Variants in STXBP3 observed in about 807,000 individuals in gnomAD.
STXBP3 encodes syntaxin binding protein 3.
In STXBP3, 41 loss-of-function variants were observed where a neutral mutation model predicts 85.7. The observed-to-expected ratio is 0.48, with a 90% confidence interval of 0.37 to 0.62. STXBP3 has a LOEUF of 0.62. Among genes scored for constraint, STXBP3 ranks in the 20% least tolerant of loss-of-function variants. The probability of loss-of-function intolerance (pLI) is 0.00; values close to 1 mark genes in which losing one functional copy is unlikely to be tolerated. For synonymous variants in STXBP3, 229 were observed against 231.7 expected, an observed-to-expected ratio of 0.99 and a Z score of 0.10; for missense variants, 563 against 703.1, an observed-to-expected ratio of 0.80 and a Z score of 2.25.
intron 6 of STXBP3, among the ~76,000 whole-genome samples, chr1:108,772,270 A>G (rs1440119441): frequency 1.3e-5 from 1 of 78,008 alleles, no homozygotes; most frequent in Admixed American, 1.2e-4. Flanking sequence ...TATGATATCT[A>G]TCTGTATCAT....
Position 108,808,963 on chromosome 1 carries a change from AT to A in STXBP3, c.*87del. 1.1e-6 allele frequency: 1 copy of A among 896,318 alleles called. No individual in the cohort carries two copies. The highest frequency in any genetic ancestry group is 1.7e-6 in the Non-Finnish European group (1 of 580,608). The allele number at this position is 896,318 out of a possible 1,614,324, so 55.5% of individuals were successfully genotyped here. A position where few individuals can be genotyped will look rare whatever the true frequency, so the allele number is the denominator to read the frequency against. On this transcript the variant is annotated 3_prime_UTR_variant, in exon 19 of 19. Transcript: ENST00000370008. Reference sequence around the variant, plus strand: ...ATGTTGCTGTCATGTAATTTAAACAATGTAAATATTTTATGGAATAATGGCT... The same window carrying A: ...ATGTTGCTGTCATGTAATTTAAACAAGTAAATATTTTATGGAATAATGGCT...
chr1:108,797,829 G>A (rs1663141801), intron 15 of STXBP3, among the ~76,000 whole-genome samples: 1 of 151,686 alleles, frequency 6.6e-6, no homozygotes, highest in Admixed American at 6.6e-5. Context: ...TCTGCCTCCT[G>A]GGTTTATGCC....
Position 108,746,803 on chromosome 1 carries a change from A to AG in STXBP3, c.49+21dup. The AG allele has an allele frequency of 6.5e-7, 1 of 1,542,760 alleles. No individual in the cohort carries two copies. The highest frequency in any genetic ancestry group is 8.7e-7 in the Non-Finnish European group (1 of 1,143,890). On this transcript the variant is annotated intron_variant, in intron 1 of 18. Coordinates refer to ENST00000370008, the MANE Select transcript of STXBP3 (RefSeq NM_007269.4). ...TGTGGCAGAGTGAGTGCGGTGGGGT[A>AG]GGGGTTGAGAGAGGGAAGGCCGGGA...
chr1:108,807,303 T>A, intron 17 of STXBP3, 98 bp from the exon 18 acceptor site: 1 of 1,257,426 alleles, frequency 8.0e-7, no homozygotes, highest in Non-Finnish European at 1.1e-6. Context: ...GGTAGCAAGT[T>A]TGAGTTTGGT....
At chr1:108,791,774 C>T (rs376382459) in intron 11 of STXBP3, among the ~76,000 whole-genome samples, 1 of 152,124 alleles carries the variant, frequency 6.6e-6, no homozygotes, top group South Asian at 2.1e-4. Flanking sequence ...TCATCACCCC[C>T]CAAAATGTCC....
chr1:108,788,088 A>G (rs934007057), intron 11 of STXBP3, among the ~76,000 whole-genome samples: 1 of 152,080 alleles, frequency 6.6e-6, no homozygotes, highest in Non-Finnish European at 1.5e-5. Context: ...CACCACACCC[A>G]GCCTGTTTCT....
intron 13 of STXBP3, 52 bp from the exon 14 acceptor site, chr1:108,796,182 T>G (rs1663091396): frequency 6.3e-7 from 1 of 1,582,820 alleles, no homozygotes; most frequent in African/African-American, 1.4e-5. Context: ...TGTTTTTAAC[T>G]AAAAAATGAA....
At chr1:108,793,157 A>ATTTTTTTTTTT (rs745652259) in intron 11 of STXBP3, among the ~76,000 whole-genome samples, 5 of 67,506 alleles carry the variant, frequency 7.4e-5, no homozygotes, top group Admixed American at 2.1e-4. Context: ...TCTTATCTCC[A>ATTTTTTTTTTT]TTTTTTTTTT....
At chr1:108,796,792 G>GTTTT in intron 15 of STXBP3, 66 bp downstream of exon 15, 1 of 898,568 alleles carries the variant, frequency 1.1e-6, no homozygotes, top group Admixed American at 3.6e-5. Context: ...TGTATTAACT[G>GTTTT]TTTTTTTTTT....
At chr1:108,808,653 T>G in intron 18 of STXBP3, 130 bp from the exon 19 acceptor site, 1 of 727,788 alleles carries the variant, frequency 1.4e-6, no homozygotes, top group South Asian at 1.6e-5. Context: ...CAGGAAGATG[T>G]CTTACAGAAA....
intron 11 of STXBP3, among the ~76,000 whole-genome samples, chr1:108,790,922 CA>C (rs1384035620): frequency 6.6e-6 from 1 of 151,556 alleles, no homozygotes; most frequent in East Asian, 1.9e-4. Context: ...AAGAAAAACC[CA>C]AAAAAATAAA....
chr1:108,794,206 A>G (rs1663041805), intron 12 of STXBP3, among the ~76,000 whole-genome samples: 1 of 152,224 alleles, frequency 6.6e-6, no homozygotes, highest in South Asian at 2.1e-4. Flanking sequence ...ATTACTGTCA[A>G]ACTCAACACA....
chr1:108,768,058 C>T (rs1464182932), intron 6 of STXBP3, among the ~76,000 whole-genome samples: 1 of 152,116 alleles, frequency 6.6e-6, no homozygotes, highest in Non-Finnish European at 1.5e-5. Flanking sequence ...AACTGAAGTG[C>T]AGTTACTGAA....
At chr1:108,788,248 G>A (rs1350031506) in intron 11 of STXBP3, among the ~76,000 whole-genome samples, 1 of 152,082 alleles carries the variant, frequency 6.6e-6, no homozygotes, top group Admixed American at 6.5e-5. Context: ...AACTCCACTT[G>A]ATCATGATGC....
intron 6 of STXBP3, among the ~76,000 whole-genome samples, chr1:108,768,003 TGA>T (rs1202532017): frequency 6.7e-6 from 1 of 150,124 alleles, no homozygotes; most frequent in African/African-American, 2.4e-5. Flanking sequence ...CATGGGAAAC[TGA>T]GAAAATTTTT....
Position 108,779,430 on chromosome 1 carries a change from CA to C in STXBP3, c.809+21del. 1 of 1,601,790 alleles carries C rather than the reference CA, an allele frequency of 6.2e-7. No individual in the cohort carries two copies. Among genetic ancestry groups the C allele is most frequent in the South Asian group, 1.1e-5 (1 of 88,292 alleles). ...ATACAAGCAAGTATAACTTGAAGGG[CA>C]TATAAAGGGCATATACAAACAGGAT... On this transcript the variant is annotated intron_variant, in intron 9 of 18. Coordinates refer to ENST00000370008, the MANE Select transcript of STXBP3 (RefSeq NM_007269.4).
At chr1:108,772,945 C>A in intron 7 of STXBP3, 126 bp downstream of exon 7, 1 of 876,906 alleles carries the variant, frequency 1.1e-6, no homozygotes, top group Non-Finnish European at 1.6e-6. Flanking sequence ...TTACCATGCT[C>A]TACATATAGG....
chr1:108,801,963 C>G (rs572842042), intron 17 of STXBP3, among the ~76,000 whole-genome samples: 1 of 152,212 alleles, frequency 6.6e-6, no homozygotes, highest in East Asian at 1.9e-4. Context: ...GACACTGCAG[C>G]CAGCCCTTTT....
chr1:108,805,916 A>G (rs1190775530), intron 17 of STXBP3, among the ~76,000 whole-genome samples: 1 of 152,222 alleles, frequency 6.6e-6, no homozygotes, highest in African/African-American at 2.4e-5. Flanking sequence ...TAACAAAACA[A>G]AAATTTGCTA....
Sources: allele counts gnomAD v4.1 joint callset (sites outside exome capture counted in the v4.1 genomes callset), GRCh38; gene constraint gnomAD v4.1.1; transcripts MANE v1.5; gene names NCBI Gene and HGNC (gene_info 2026-07-23, HGNC 2026-07-21).